The following DENND2D variants were observed in gnomAD, a reference collection of about 807,000 sequenced individuals.
DENND2D encodes the protein DENN domain-containing protein 2D.
DENND2D carries 37 observed loss-of-function variants against 59.8 expected under a neutral mutation model. The observed-to-expected ratio is 0.62, with a 90% CI of 0.48 to 0.81. The LOEUF (loss-of-function observed/expected upper bound fraction) is 0.81. DENND2D is among the 40% of genes least tolerant of loss of function. DENND2D has a pLI of 0.00. For synonymous variants in DENND2D, 219 were observed against 211.3 expected (o/e 1.04, Z -0.31); for missense variants, 525 against 579.7 (o/e 0.91, Z 0.97).
rs1335768534 is a variant in DENND2D at position 111,186,042 on chromosome 1, A to G, written c.*1563T>C. ...TAGATGGAATCTGAAAAGCACTCAG[A>G]TATTTAGTGTGTGCTTCCTTCAGCC... On this transcript the variant is annotated 3_prime_UTR_variant, in exon 12 of 12. Coordinates refer to ENST00000357640, the MANE Select transcript of DENND2D (RefSeq NM_024901.5). 1.3e-5 allele frequency among the ~76,000 whole-genome samples: 2 copies of G among 152,212 alleles called. No homozygotes were observed. Among genetic ancestry groups the G allele is most frequent in the East Asian group, 3.8e-4 (2 of 5,200 alleles).
intron 2 of DENND2D, 99 bp from the exon 3 acceptor site, chr1:111,198,841 A>G (rs1658513688): frequency 8.1e-7 from 1 of 1,233,326 alleles, no homozygotes; most frequent in South Asian, 1.3e-5. Context: ...GCTCTAAAGC[A>G]GTCTAGGGTT....
Position 111,192,143 on chromosome 1 carries a change from TTCC to T in DENND2D, c.966_968del (p.Met322_Glu323delinsIle), listed in dbSNP as rs1455182689. On this transcript the variant is annotated inframe_deletion, in exon 8 of 12. Coordinates refer to ENST00000357640, the MANE Select transcript of DENND2D (RefSeq NM_024901.5). ...CACTCTTCTTGCCACATCATACCTC[TTCC>T]ATAGGGCTGTCCATGACCTCCTGCT... 1 of 1,597,384 alleles carries T rather than the reference TTCC, an allele frequency of 6.3e-7. No individual in the cohort carries two copies. Among genetic ancestry groups the T allele is most frequent in the East Asian group, 2.2e-5 (1 of 44,626 alleles).
upstream of DENND2D, among the ~76,000 whole-genome samples, chr1:111,202,209 C>T (rs1347711827): frequency 5.3e-5 from 8 of 152,262 alleles, no homozygotes; most frequent in South Asian, 2.1e-4. Flanking sequence ...CTTTGGGCTG[C>T]GTTTTCAGAT....
upstream of DENND2D, among the ~76,000 whole-genome samples, chr1:111,202,748 C>G (rs1382536378): frequency 3.4e-5 from 5 of 148,666 alleles, 1 homozygote; most frequent in Middle Eastern, 6.8e-3. Context: ...ACACAACTGT[C>G]CTGGGGCCAG....
At chr1:111,194,503 G>A in intron 7 of DENND2D, 75 bp downstream of exon 7, 2 of 1,549,200 alleles carry the variant, frequency 1.3e-6, no homozygotes. Flanking sequence ...ATTTTCCTTG[G>A]ATAACCTCCA....
At chr1:111,195,184 A>G (rs1658114462) in intron 6 of DENND2D, 1 of 159,154 alleles carries the variant, frequency 6.3e-6, no homozygotes, top group Non-Finnish European at 1.4e-5. Flanking sequence ...TTCTAATTCA[A>G]CATGCACTGG....
intron 8 of DENND2D, among the ~76,000 whole-genome samples, chr1:111,190,813 CAG>C (rs1315371649): frequency 6.6e-6 from 1 of 152,290 alleles, no homozygotes; most frequent in South Asian, 2.1e-4. Flanking sequence ...TATCTGTCAT[CAG>C]GGGAGAAAAG....
intron 8 of DENND2D, among the ~76,000 whole-genome samples, chr1:111,190,986 G>T (rs1163746573): frequency 6.6e-6 from 1 of 152,170 alleles, no homozygotes; most frequent in Non-Finnish European, 1.5e-5. Flanking sequence ...GCATATTATT[G>T]TCTGTGGAGT....
chr1:111,201,887 AGAACACTTG>A (rs1228562173), upstream of DENND2D, among the ~76,000 whole-genome samples: 1 of 152,272 alleles, frequency 6.6e-6, no homozygotes, highest in East Asian at 1.9e-4. Context: ...AGAGCGAACT[AGAACACTTG>A]GAGCTGGCAC....
chr1:111,188,858 A>G, intron 9 of DENND2D, 72 bp from the exon 10 acceptor site: 2 of 1,341,296 alleles, frequency 1.5e-6, no homozygotes, highest in Non-Finnish European at 1.1e-6. Context: ...AGAAAAGCAT[A>G]AGGAGGGCAT....
chr1:111,198,111 G>A (rs17027075), intron 3 of DENND2D, 122 bp from the exon 4 acceptor site: 19,475 of 871,712 alleles, frequency 0.022, 503 homozygotes, highest in South Asian at 0.091. Context: ...ACAGGAGTAA[G>A]GGCTCACTGG....
At chr1:111,192,660 C>G (rs1489494243) in intron 7 of DENND2D, among the ~76,000 whole-genome samples, 1 of 152,160 alleles carries the variant, frequency 6.6e-6, no homozygotes, top group Admixed American at 6.5e-5. Context: ...GATTGAGCCC[C>G]TAGCCTGTGC....
Position 111,195,922 on chromosome 1 carries a change from G to T in DENND2D, c.639C>A (p.Gly213=). ...ACCCATTTTGCTAACCCACCTCAGTGCCTGAGTCGGGGATGAAGCTCTTGA... is the reference window on the plus strand; with the variant it reads ...ACCCATTTTGCTAACCCACCTCAGTTCCTGAGTCGGGGATGAAGCTCTTGA... The part of the protein sequence containing the change: ...VTLKSFIPDS[G]TEFISLTRPL... The change falls in exon 6 of 12, where the codon GGC becomes GGA. Residue 213 remains glycine (G), a synonymous_variant. Transcript: ENST00000357640. 1 of 1,614,076 alleles carries T rather than the reference G, an allele frequency of 6.2e-7. No individual in the cohort carries two copies. Among genetic ancestry groups the T allele is most frequent in the Non-Finnish European group, 8.5e-7 (1 of 1,179,996 alleles).
chr1:111,189,363 C>T (rs1036325006), intron 8 of DENND2D, 110 bp from the exon 9 acceptor site: 2 of 1,097,532 alleles, frequency 1.8e-6, no homozygotes, highest in South Asian at 1.3e-5. Flanking sequence ...CAGGTAGCAA[C>T]AAAATCAATA....
chr1:111,192,991 A>G (rs1298384308), intron 7 of DENND2D, among the ~76,000 whole-genome samples: 1 of 152,162 alleles, frequency 6.6e-6, no homozygotes, highest in Non-Finnish European at 1.5e-5. Context: ...GTGCCTCCTC[A>G]AGACTTTCCA....
intron 2 of DENND2D, 120 bp from the exon 3 acceptor site, chr1:111,198,862 A>C: frequency 2.1e-6 from 2 of 954,826 alleles, no homozygotes; most frequent in Non-Finnish European, 3.2e-6. Context: ...AAGCTTCTCC[A>C]CTAGCATAGG....
chr1:111,188,789 A>G lies in DENND2D; in HGVS notation c.1015-3T>C. 1.9e-6 allele frequency: 3 copies of G among 1,613,754 alleles called. No homozygotes were observed. Among genetic ancestry groups the G allele is most frequent in the Non-Finnish European group, 2.5e-6 (3 of 1,179,698 alleles). On this transcript the variant is annotated splice_region_variant and splice_polypyrimidine_tract_variant and intron_variant, in intron 9 of 11. Coordinates refer to ENST00000357640, the MANE Select transcript of DENND2D (RefSeq NM_024901.5). ...AGGATGTCTTTTTCATCACCAACCT[A>G]GAAGAGGACAGAGCTCCGAGGTCAA...
intron 4 of DENND2D, 33 bp downstream of exon 4, chr1:111,197,887 A>G (rs1396414282): frequency 1.2e-6 from 2 of 1,612,994 alleles, no homozygotes; most frequent in African/African-American, 2.7e-5. Flanking sequence ...AGCAGACTGC[A>G]GAAAGGAAGG....
Position 111,200,526 on chromosome 1 carries a change from C to T in DENND2D, c.-67G>A, listed in dbSNP as rs1658702589. ...CACAGACAGACTGGTGACAGTAAGC[C>T]TGAGAAAGGGGCTGCTTCGGTCTCC... On this transcript the variant is annotated 5_prime_UTR_variant, in exon 1 of 12. Transcript: ENST00000357640. 6.4e-7 allele frequency: 1 copy of T among 1,552,736 alleles called. No individual in the cohort carries two copies. The highest frequency in any genetic ancestry group is 2.4e-5 in the East Asian group (1 of 40,876).
Sources: gnomAD v4.1 joint callset for allele counts (sites outside exome capture counted in the v4.1 genomes callset) on GRCh38, gnomAD v4.1.1 for gene constraint, MANE v1.5 for transcripts, NCBI Gene and HGNC (gene_info 2026-07-23, HGNC 2026-07-21) for gene names.